The following SQOR variants were observed in gnomAD, a reference collection of about 807,000 sequenced individuals.
SQOR encodes the protein sulfide:quinone oxidoreductase, mitochondrial.
A neutral mutation model predicts 48.6 loss-of-function variants in SQOR; 39 were observed. The observed-to-expected ratio is 0.80, with a 90% CI of 0.62 to 1.05. SQOR has a LOEUF of 1.05. SQOR is among the 50% of genes least tolerant of loss of function. The probability of loss-of-function intolerance (pLI) is 0.00; values close to 1 mark genes in which losing one functional copy is unlikely to be tolerated. For missense variants in SQOR, 561 were observed against 559.9 expected, an observed-to-expected ratio of 1.00 and a Z score of -0.02; for synonymous variants, 220 against 206.2, an observed-to-expected ratio of 1.07 and a Z score of -0.57.
intron 1 of SQOR, among the ~76,000 whole-genome samples, chr15:45,638,645 A>G (rs1895050324): frequency 6.6e-6 from 1 of 151,874 alleles, no homozygotes; most frequent in African/African-American, 2.4e-5. Context: ...ACTTGCTTGA[A>G]CCGGAGAGGA....
At chr15:45,669,670 G>C (rs1392659837) in intron 3 of SQOR, among the ~76,000 whole-genome samples, 3 of 152,154 alleles carry the variant, frequency 2.0e-5, no homozygotes, top group Non-Finnish European at 4.4e-5. Context: ...AGACGGCAGA[G>C]GGCATGATGG....
At chr15:45,668,168 A>T (rs1889872777) in intron 3 of SQOR, among the ~76,000 whole-genome samples, 1 of 150,298 alleles carries the variant, frequency 6.7e-6, no homozygotes, top group African/African-American at 2.4e-5. Context: ...CTGGTCTCGA[A>T]CTCCTGACCT....
intron 7 of SQOR, 84 bp downstream of exon 7, chr15:45,682,745 C>T (rs903832701): frequency 2.6e-5 from 38 of 1,479,416 alleles, no homozygotes; most frequent in African/African-American, 4.2e-5. Flanking sequence ...AGCTTGGCAT[C>T]GGCCAGAGAC....
chr15:45,649,547 C>T (rs1889421859), intron 1 of SQOR, among the ~76,000 whole-genome samples: 1 of 152,136 alleles, frequency 6.6e-6, no homozygotes, highest in South Asian at 2.1e-4. Flanking sequence ...GCAATCTTGG[C>T]TCACTGCAAC....
chr15:45,671,346 C>T (rs189084777), intron 4 of SQOR, among the ~76,000 whole-genome samples: 48 of 152,140 alleles, frequency 3.2e-4, no homozygotes, highest in African/African-American at 1.0e-3. Context: ...TTAGTAGAGA[C>T]GGAGTTTCAC....
At chr15:45,659,269 A>G in intron 2 of SQOR, 112 bp downstream of exon 2, 1 of 901,122 alleles carries the variant, frequency 1.1e-6, no homozygotes, top group Non-Finnish European at 1.6e-6. Flanking sequence ...GGGTCTTCAT[A>G]TGTTCAGGTT....
rs577991595 is a variant in SQOR, at chr15:45,690,403, CT to C, written c.1296-566del. 2.0e-5 allele frequency among the ~76,000 whole-genome samples: 3 copies of C among 152,290 alleles called. No individual in the cohort carries two copies. In the South Asian group the frequency reaches 6.2e-4, roughly 32 times the overall value. On this transcript the variant is annotated intron_variant, in intron 9 of 9. Coordinates refer to ENST00000260324, the MANE Select transcript of SQOR (RefSeq NM_021199.4). ...TCTAAAAGCTGATGACCTCCTTTGACTTTTCTAAACCCATATGAGAGAGAAA... is the reference window on the plus strand; with the variant it reads ...TCTAAAAGCTGATGACCTCCTTTGACTTTCTAAACCCATATGAGAGAGAAA...
chr15:45,662,407 A>G (rs1889737018), intron 3 of SQOR, among the ~76,000 whole-genome samples: 1 of 152,248 alleles, frequency 6.6e-6, no homozygotes, highest in Non-Finnish European at 1.5e-5. Context: ...CTGAATGTTT[A>G]TCAGACCATT....
intron 1 of SQOR, among the ~76,000 whole-genome samples, chr15:45,651,860 C>T (rs1270416178): frequency 6.6e-6 from 1 of 152,016 alleles, no homozygotes; most frequent in Non-Finnish European, 1.5e-5. Context: ...TCTTCTTCTT[C>T]TCCTTCTCCT....
chr15:45,651,528 G>A (rs930743927), intron 1 of SQOR, among the ~76,000 whole-genome samples: 1 of 152,276 alleles, frequency 6.6e-6, no homozygotes, highest in Non-Finnish European at 1.5e-5. Flanking sequence ...TGCTGAGAGC[G>A]AGTGAGGGCT....
chr15:45,632,375 A>G (rs1894913176), upstream of SQOR, among the ~76,000 whole-genome samples: 1 of 151,814 alleles, frequency 6.6e-6, no homozygotes. Flanking sequence ...ACGTGCCACA[A>G]TGCCCGGCTA....
chr15:45,663,563 C>G (rs1889758149), intron 3 of SQOR, among the ~76,000 whole-genome samples: 1 of 151,914 alleles, frequency 6.6e-6, no homozygotes, highest in Non-Finnish European at 1.5e-5. Flanking sequence ...CCCATGAGGT[C>G]AAGGCCAGCC....
At chr15:45,663,886 A>G (rs990648926) in intron 3 of SQOR, among the ~76,000 whole-genome samples, 2 of 152,260 alleles carry the variant, frequency 1.3e-5, no homozygotes, top group Non-Finnish European at 2.9e-5. Flanking sequence ...ATCTACTATA[A>G]GCCAGGTGCA....
chr15:45,638,464 T>C (rs1895045745), intron 1 of SQOR, among the ~76,000 whole-genome samples: 1 of 152,176 alleles, frequency 6.6e-6, no homozygotes, highest in Admixed American at 6.5e-5. Flanking sequence ...GGCTCACGCC[T>C]GTAATCCCAG....
chr15:45,639,765 C>T (rs1895072855), intron 1 of SQOR, among the ~76,000 whole-genome samples: 1 of 152,160 alleles, frequency 6.6e-6, no homozygotes, highest in African/African-American at 2.4e-5. Context: ...TTTTGTGTTT[C>T]TGTGAGCACA....
intron 2 of SQOR, among the ~76,000 whole-genome samples, chr15:45,660,972 CAACT>C (rs1363662881): frequency 2.0e-5 from 3 of 152,052 alleles, no homozygotes; most frequent in Admixed American, 2.0e-4. Context: ...AGAACTTTTA[CAACT>C]AACTTAGATC....
intron 7 of SQOR, among the ~76,000 whole-genome samples, chr15:45,686,450 C>A (rs1046854704): frequency 1.3e-5 from 2 of 152,098 alleles, no homozygotes; most frequent in Admixed American, 1.3e-4. Flanking sequence ...CCGCGCCCGG[C>A]CTCATTTAAT....
intron 1 of SQOR, among the ~76,000 whole-genome samples, chr15:45,635,390 A>G (rs1894984694): frequency 6.6e-6 from 1 of 151,500 alleles, no homozygotes; most frequent in Non-Finnish European, 1.5e-5. Context: ...GTGCTTAAAA[A>G]CCGAAGTATC....
intron 2 of SQOR, 81 bp from the exon 3 acceptor site, chr15:45,661,874 G>T (rs541085517): frequency 3.5e-6 from 5 of 1,417,126 alleles, no homozygotes; most frequent in African/African-American, 2.9e-5. Context: ...GTGATTGAAA[G>T]AATCTAGCCC....
Sources: gnomAD v4.1 joint callset for allele counts (sites outside exome capture counted in the v4.1 genomes callset) on GRCh38, gnomAD v4.1.1 for gene constraint, MANE v1.5 for transcripts, NCBI Gene and HGNC (gene_info 2026-07-23, HGNC 2026-07-21) for gene names.